The following RANBP2 variants were observed in gnomAD, a reference collection of about 807,000 sequenced individuals.
RANBP2 encodes the protein RAN binding protein 2.
A neutral mutation model predicts 303.6 loss-of-function variants in RANBP2; 57 were observed. The ratio of observed to expected loss-of-function variants is 0.19; its 90% CI spans 0.15 to 0.23. RANBP2 has a LOEUF of 0.23. RANBP2 is among the 10% of genes least tolerant of loss of function. The pLI is 1.00. For synonymous variants in RANBP2, 1,167 were observed against 1,301.5 expected (o/e 0.90, Z 2.23); for missense variants, 3,138 against 3,780.8 (o/e 0.83, Z 4.46).
chr2:108,963,569 AG>A, the RANBP2 span, among the ~76,000 whole-genome samples: 1 of 152,176 alleles, frequency 6.6e-6, no homozygotes, highest in African/African-American at 2.4e-5. Context: ...CACAGTAGTC[AG>A]GTGTGGACAG....
At chr2:109,372,990 T>G in the RANBP2 span, among the ~76,000 whole-genome samples, 1 of 152,204 alleles carries the variant, frequency 6.6e-6, no homozygotes, top group Non-Finnish European at 1.5e-5. Flanking sequence ...TAGTCCATAG[T>G]CTATTTTGCA....
the RANBP2 span, among the ~76,000 whole-genome samples, chr2:109,572,414 C>T: frequency 7.3e-5 from 11 of 151,380 alleles, no homozygotes; most frequent in South Asian, 2.1e-4. Context: ...GTTACAGGCA[C>T]GAGCCACCGT....
the RANBP2 span, among the ~76,000 whole-genome samples, chr2:109,453,389 T>C: frequency 6.6e-6 from 1 of 152,258 alleles, no homozygotes; most frequent in African/African-American, 2.4e-5. Flanking sequence ...AAAATGAATT[T>C]TGTGCTTGAA....
At chr2:109,638,652 G>T in the RANBP2 span, among the ~76,000 whole-genome samples, 1 of 152,162 alleles carries the variant, frequency 6.6e-6, no homozygotes, top group South Asian at 2.1e-4. Flanking sequence ...TATTTCCAAA[G>T]AGTAGGTTTG....
the RANBP2 span, among the ~76,000 whole-genome samples, chr2:109,249,468 T>C: frequency 1.6e-3 from 8 of 4,890 alleles, no homozygotes; most frequent in Non-Finnish European, 2.4e-3. Context: ...TCTCTCTTTC[T>C]CTTTCTTTCT....
At chr2:109,071,860 A>G in the RANBP2 span, among the ~76,000 whole-genome samples, 1 of 152,198 alleles carries the variant, frequency 6.6e-6, no homozygotes, top group Non-Finnish European at 1.5e-5. Context: ...CAAACACAGG[A>G]ACATGCCAGC....
At chr2:109,372,662 C>G in the RANBP2 span, among the ~76,000 whole-genome samples, 2 of 152,248 alleles carry the variant, frequency 1.3e-5, no homozygotes, top group African/African-American at 4.8e-5. Context: ...AAGGTTTCAG[C>G]GCGGGCCTCT....
chr2:109,568,629 T>C, the RANBP2 span, among the ~76,000 whole-genome samples: 1 of 151,920 alleles, frequency 6.6e-6, no homozygotes, highest in African/African-American at 2.4e-5. Context: ...AATTTCATCA[T>C]ACACTTAAAA....
the RANBP2 span, among the ~76,000 whole-genome samples, chr2:109,481,974 C>G: frequency 1.3e-5 from 2 of 152,246 alleles, no homozygotes; most frequent in Non-Finnish European, 2.9e-5. Context: ...GAAGCAGACT[C>G]AGACCTCAAC....
the RANBP2 span, among the ~76,000 whole-genome samples, chr2:108,814,580 C>T: frequency 4.6e-5 from 7 of 151,790 alleles, no homozygotes; most frequent in Middle Eastern, 3.4e-3. Flanking sequence ...GGATTGCCAT[C>T]GGCTTAATGT....
the RANBP2 span, among the ~76,000 whole-genome samples, chr2:109,036,879 C>A: frequency 6.6e-6 from 1 of 152,246 alleles, no homozygotes; most frequent in Admixed American, 6.5e-5. Context: ...CAAGGTGGCT[C>A]ACACTTGTAA....
At chr2:108,858,208 G>A in the RANBP2 span, among the ~76,000 whole-genome samples, 4 of 152,202 alleles carry the variant, frequency 2.6e-5, no homozygotes, top group African/African-American at 9.6e-5. Flanking sequence ...GCCGGGCATG[G>A]TGGTGTGCGC....
At chr2:108,955,752 C>T in the RANBP2 span, among the ~76,000 whole-genome samples, 19 of 150,030 alleles carry the variant, frequency 1.3e-4, no homozygotes, top group Admixed American at 6.6e-4. Flanking sequence ...AGAGGTAGGG[C>T]GCGGTGGCTC....
At chr2:109,163,362 C>A in the RANBP2 span, among the ~76,000 whole-genome samples, 1 of 142,540 alleles carries the variant, frequency 7.0e-6, no homozygotes. Flanking sequence ...GACTGGAGTT[C>A]TCAATAGATT....
At chr2:109,213,640 C>T in the RANBP2 span, among the ~76,000 whole-genome samples, 3 of 152,160 alleles carry the variant, frequency 2.0e-5, no homozygotes, top group Non-Finnish European at 4.4e-5. Context: ...GTCAGGGCAG[C>T]AAACTGTGTG....
At chr2:109,207,431 G>A in the RANBP2 span, among the ~76,000 whole-genome samples, 18 of 152,104 alleles carry the variant, frequency 1.2e-4, no homozygotes, top group East Asian at 3.9e-4. Context: ...TGGCAGTTTC[G>A]ATTTTGAAAA....
the RANBP2 span, among the ~76,000 whole-genome samples, chr2:109,565,559 G>A: frequency 3.3e-5 from 5 of 152,148 alleles, no homozygotes; most frequent in African/African-American, 4.8e-5. Context: ...ACAGGGTACC[G>A]TGGGGGCGGG....
chr2:109,572,480 G>A, the RANBP2 span, among the ~76,000 whole-genome samples: 1 of 151,968 alleles, frequency 6.6e-6, no homozygotes, highest in Non-Finnish European at 1.5e-5. Context: ...TTTGTCCAGG[G>A]CCACATAGCT....
chr2:109,522,745 C>T, the RANBP2 span, among the ~76,000 whole-genome samples: 19 of 152,294 alleles, frequency 1.2e-4, no homozygotes, highest in South Asian at 3.9e-3. Context: ...CCACAAGCTT[C>T]CCAGTGACAC....
Sources: gnomAD v4.1 joint callset for allele counts (sites outside exome capture counted in the v4.1 genomes callset) on GRCh38, gnomAD v4.1.1 for gene constraint, MANE v1.5 for transcripts, NCBI Gene and HGNC (gene_info 2026-07-23, HGNC 2026-07-21) for gene names.